The following CSMD1 variants were observed in gnomAD, a reference collection of about 807,000 sequenced individuals.
The protein encoded by CSMD1 is CUB and Sushi multiple domains 1.
A neutral mutation model predicts 417.5 loss-of-function variants in CSMD1; 213 were observed. That is an observed-to-expected ratio of 0.51 (90% CI 0.46 to 0.57). The LOEUF (loss-of-function observed/expected upper bound fraction) is 0.57, where lower values mean the gene tolerates loss of function less well. CSMD1 is among the 20% of genes least tolerant of loss of function. CSMD1 has a pLI of 0.00. For synonymous variants in CSMD1, 2,862 were observed against 1,736.8 expected (o/e 1.65, Z -16.11); for missense variants, 6,923 against 4,529.7 (o/e 1.53, Z -15.17).
At chr8:4,401,996 C>T (rs1424064559) in intron 3 of CSMD1, among the ~76,000 whole-genome samples, 1 of 152,148 alleles carries the variant, frequency 6.6e-6, no homozygotes, top group Non-Finnish European at 1.5e-5. Flanking sequence ...GACTCCCTGC[C>T]ACATTCCTGC....
chr8:3,239,429 G>A (rs1799356293), intron 26 of CSMD1, among the ~76,000 whole-genome samples: 1 of 152,126 alleles, frequency 6.6e-6, no homozygotes, highest in South Asian at 2.1e-4. Context: ...AGACCCTGTG[G>A]GAAAGGCCTC....
chr8:3,524,120 T>C (rs1797647168), intron 10 of CSMD1, among the ~76,000 whole-genome samples: 1 of 143,736 alleles, frequency 7.0e-6, no homozygotes, highest in African/African-American at 2.6e-5. Context: ...TGGACATATG[T>C]GCACATACAT....
intron 3 of CSMD1, among the ~76,000 whole-genome samples, chr8:4,111,940 C>G (rs1447805600): frequency 6.6e-6 from 1 of 151,892 alleles, no homozygotes; most frequent in Non-Finnish European, 1.5e-5. Context: ...TAAAGTATGG[C>G]AAAAGCACAG....
At chr8:4,830,620 C>G (rs117440187) in intron 1 of CSMD1, among the ~76,000 whole-genome samples, 3,988 of 152,240 alleles carry the variant, frequency 0.026, 75 homozygotes, top group Non-Finnish European at 0.036. Flanking sequence ...CAAACTATGA[C>G]TTGATCGTGG....
At chr8:3,172,659 A>G (rs1264710734) in intron 37 of CSMD1, among the ~76,000 whole-genome samples, 1 of 152,198 alleles carries the variant, frequency 6.6e-6, no homozygotes, top group Non-Finnish European at 1.5e-5. Context: ...TAAGGGGGGC[A>G]GAGAAGGGGA....
At chr8:4,352,125 T>C (rs965348798) in intron 3 of CSMD1, among the ~76,000 whole-genome samples, 1 of 152,192 alleles carries the variant, frequency 6.6e-6, no homozygotes, top group Non-Finnish European at 1.5e-5. Flanking sequence ...TGAGGTGGAC[T>C]GGCCTGTGGC....
intron 5 of CSMD1, among the ~76,000 whole-genome samples, chr8:3,978,084 G>C (rs80112393): frequency 1.3e-5 from 2 of 152,092 alleles, no homozygotes; most frequent in Admixed American, 6.5e-5. Context: ...TGTGAAACTC[G>C]GTGTCTGTGA....
chr8:4,764,892 A>AAC (rs1554473667), intron 1 of CSMD1, among the ~76,000 whole-genome samples: 817 of 42,160 alleles, frequency 0.019, 9 homozygotes, highest in East Asian at 0.061. Context: ...AAAAAAAAAA[A>AAC]AACAACAACA....
At chr8:4,735,850 C>T (rs567097124) in intron 1 of CSMD1, among the ~76,000 whole-genome samples, 1 of 152,280 alleles carries the variant, frequency 6.6e-6, no homozygotes, top group East Asian at 1.9e-4. Flanking sequence ...TGAGGCCTTT[C>T]TGATTCCAGG....
chr8:4,775,845 G>T (rs1325088587), intron 1 of CSMD1, among the ~76,000 whole-genome samples: 3 of 152,116 alleles, frequency 2.0e-5, no homozygotes, highest in Non-Finnish European at 4.4e-5. Flanking sequence ...ATATTGTTAA[G>T]AAATATTTCT....
intron 3 of CSMD1, among the ~76,000 whole-genome samples, chr8:4,126,925 G>T (rs2130962654): frequency 6.6e-6 from 1 of 152,148 alleles, no homozygotes; most frequent in Non-Finnish European, 1.5e-5. Flanking sequence ...CGCCCACACA[G>T]ACTCTGCTGG....
In CSMD1 at chr8:3,655,396, C is replaced by T. The variant is rs528111176; in HGVS notation, c.1010-38599G>A. Among the ~76,000 whole-genome samples, 40 of 152,344 alleles carry T rather than the reference C, an allele frequency of 2.6e-4. No individual in the cohort carries two copies. In the South Asian group the frequency reaches 5.6e-3, roughly 21 times the overall value. On this transcript the variant is annotated intron_variant, in intron 7 of 69. Transcript: ENST00000635120. ...TTTCATTTTTCACTATTACTCTAGT[C>T]ACAGTAACTCTTTTAAGATAACATT...
intron 52 of CSMD1, among the ~76,000 whole-genome samples, chr8:3,011,685 C>G (rs552811164): frequency 1.1e-4 from 16 of 152,094 alleles, no homozygotes; most frequent in Non-Finnish European, 2.2e-4. Context: ...CAAGCTACCA[C>G]TAATATCTTG....
Position 4,896,703 on chromosome 8 carries a change from G to A in CSMD1, c.85+97629C>T, listed in dbSNP as rs528515066. 2.0e-5 allele frequency among the ~76,000 whole-genome samples: 3 copies of A among 152,192 alleles called. No homozygotes were observed. In the East Asian group the frequency reaches 5.8e-4, roughly 29 times the overall value. On this transcript the variant is annotated intron_variant, in intron 1 of 69. Coordinates refer to ENST00000635120, the MANE Select transcript of CSMD1 (RefSeq NM_033225.6). The stretch of plus-strand genomic sequence containing the variant: ...ATTGCATACGTGCTGGAAGATCCAA[G>A]ACTTCAAGCTTGTGATGATGGTGAG...
At chr8:4,054,730 G>A (rs923752635) in intron 3 of CSMD1, among the ~76,000 whole-genome samples, 1 of 152,040 alleles carries the variant, frequency 6.6e-6, no homozygotes. Flanking sequence ...TAAACATTTG[G>A]ACATTTTGTG....
chr8:3,904,639 C>CT (rs11395103), intron 5 of CSMD1, among the ~76,000 whole-genome samples: 35,266 of 133,018 alleles, frequency 0.27, 6,019 homozygotes, highest in African/African-American at 0.46. Flanking sequence ...CGTTTTCTTT[C>CT]TTTTTTTTTT....
chr8:4,047,284 G>A (rs1029414405), intron 3 of CSMD1, among the ~76,000 whole-genome samples: 1 of 152,154 alleles, frequency 6.6e-6, no homozygotes, highest in Non-Finnish European at 1.5e-5. Flanking sequence ...TGGGAGGAAG[G>A]GAGGAAGGAG....
chr8:4,374,055 AAATAATATAATCAATAATG>A (rs1934357695), intron 3 of CSMD1, among the ~76,000 whole-genome samples: 1 of 152,198 alleles, frequency 6.6e-6, no homozygotes, highest in African/African-American at 2.4e-5. Context: ...AATTGAACTT[AAATAATATAATCAATAATG>A]AAGTGTATCA....
At chr8:4,333,496 GT>G (rs1799990819) in intron 3 of CSMD1, among the ~76,000 whole-genome samples, 5 of 152,078 alleles carry the variant, frequency 3.3e-5, no homozygotes, top group Admixed American at 3.3e-4. Flanking sequence ...ATGATTATGT[GT>G]ACAGCACTAC....
Sources: gnomAD v4.1 joint callset for allele counts (sites outside exome capture counted in the v4.1 genomes callset) on GRCh38, gnomAD v4.1.1 for gene constraint, MANE v1.5 for transcripts, NCBI Gene and HGNC (gene_info 2026-07-23, HGNC 2026-07-21) for gene names.